The following PCDH15 variants were observed in gnomAD, a reference collection of about 807,000 sequenced individuals.
The protein encoded by PCDH15 is protocadherin-15.
PCDH15 carries 129 observed loss-of-function variants against 178.5 expected under a neutral mutation model. The observed-to-expected ratio is 0.72, with a 90% CI of 0.63 to 0.84. The LOEUF (loss-of-function observed/expected upper bound fraction) is 0.84, where lower values mean the gene tolerates loss of function less well. Ranked by LOEUF, PCDH15 falls within the 40% of genes least tolerant of loss-of-function variation. The probability of loss-of-function intolerance (pLI) is 0.00; values close to 1 mark genes in which losing one functional copy is unlikely to be tolerated. For synonymous variants in PCDH15, 800 were observed against 732.0 expected, an observed-to-expected ratio of 1.09 and a Z score of -1.50; for missense variants, 2,230 against 2,099.9, an observed-to-expected ratio of 1.06 and a Z score of -1.21.
intron 1 of PCDH15, among the ~76,000 whole-genome samples, chr10:54,752,517 CAAACAAACAAACAA>C (rs1946461730): frequency 1.2e-5 from 1 of 85,632 alleles, no homozygotes; most frequent in Non-Finnish European, 2.4e-5. Context: ...AAAAAACAAA[CAAACAAACAAACAA>C]AAAAAAACAA....
At chr10:54,061,199 A>AAG (rs2135743473) in intron 18 of PCDH15, among the ~76,000 whole-genome samples, 1 of 152,268 alleles carries the variant, frequency 6.6e-6, no homozygotes, top group African/African-American at 2.4e-5. Context: ...GGCCTCTAGT[A>AAG]AGAGGCCTCT....
intron 1 of PCDH15, among the ~76,000 whole-genome samples, chr10:54,699,200 A>G (rs2095274890): frequency 6.6e-6 from 1 of 152,106 alleles, no homozygotes; most frequent in African/African-American, 2.4e-5. Context: ...TATCAATGTT[A>G]TTGTCAACTT....
At chr10:54,979,886 T>C (rs1839186187) in intron 2 of PCDH15, among the ~76,000 whole-genome samples, 1 of 152,088 alleles carries the variant, frequency 6.6e-6, no homozygotes, top group Admixed American at 6.6e-5. Context: ...GCAATACTTG[T>C]CTAAGATAAA....
intron 2 of PCDH15, among the ~76,000 whole-genome samples, chr10:54,551,154 C>CAAAAAA (rs57337778): frequency 8.0e-4 from 42 of 52,398 alleles, no homozygotes; most frequent in South Asian, 1.3e-3. Flanking sequence ...GACTCTGTCT[C>CAAAAAA]AAAAAAAAAA....
intron 1 of PCDH15, among the ~76,000 whole-genome samples, chr10:54,787,409 G>A (rs1231032318): frequency 6.6e-6 from 1 of 151,822 alleles, no homozygotes; most frequent in Admixed American, 6.6e-5. Flanking sequence ...TAGAAAATAT[G>A]TCTAAGTTTT....
At chr10:55,064,949 A>C (rs1266161158) in intron 2 of PCDH15, among the ~76,000 whole-genome samples, 1 of 152,084 alleles carries the variant, frequency 6.6e-6, no homozygotes, top group East Asian at 1.9e-4. Flanking sequence ...TATTTTAAAA[A>C]ATCTCAATGA....
chr10:54,696,360 T>C (rs2095223678), intron 1 of PCDH15, among the ~76,000 whole-genome samples: 1 of 152,056 alleles, frequency 6.6e-6, no homozygotes, highest in African/African-American at 2.4e-5. Flanking sequence ...TATACACAAA[T>C]GAGCAACTGT....
At chr10:55,003,571 G>T (rs1194223835) in intron 2 of PCDH15, among the ~76,000 whole-genome samples, 1 of 151,892 alleles carries the variant, frequency 6.6e-6, no homozygotes, top group African/African-American at 2.4e-5. Context: ...GATTTCTCCA[G>T]AATTCAGAAA....
chr10:54,448,675 A>C (rs545728883), intron 3 of PCDH15, among the ~76,000 whole-genome samples: 108 of 151,868 alleles, frequency 7.1e-4, no homozygotes, highest in Middle Eastern at 3.4e-3. Flanking sequence ...AGTTACAACA[A>C]TATTGTCTCT....
intron 2 of PCDH15, among the ~76,000 whole-genome samples, chr10:54,976,519 C>A (rs777737828): frequency 3.3e-5 from 5 of 152,090 alleles, no homozygotes; most frequent in Non-Finnish European, 7.4e-5. Context: ...GTGTGGAAAA[C>A]AGTCCTCATG....
chr10:55,405,947 G>T (rs1387006117), intron 2 of PCDH15, among the ~76,000 whole-genome samples: 1 of 151,680 alleles, frequency 6.6e-6, no homozygotes, highest in African/African-American at 2.4e-5. Flanking sequence ...GGAAATATTT[G>T]ATTTTAAATC....
chr10:54,421,124 T>C (rs1221169169), intron 3 of PCDH15, among the ~76,000 whole-genome samples: 1 of 152,154 alleles, frequency 6.6e-6, no homozygotes, highest in Non-Finnish European at 1.5e-5. Flanking sequence ...TTGTATTGTA[T>C]TGTATTTGCA....
intron 2 of PCDH15, among the ~76,000 whole-genome samples, chr10:55,402,952 A>AG (rs1348175879): frequency 6.6e-6 from 1 of 151,838 alleles, no homozygotes; most frequent in African/African-American, 2.4e-5. Flanking sequence ...AGTATATGAG[A>AG]GTTTTTCTCC....
intron 3 of PCDH15, among the ~76,000 whole-genome samples, chr10:54,488,022 T>C (rs2079251076): frequency 6.6e-6 from 1 of 151,880 alleles, no homozygotes. Flanking sequence ...AGAAACTGTA[T>C]CCTTTTTCCT....
chr10:54,315,746 T>C (rs368591797), intron 8 of PCDH15, among the ~76,000 whole-genome samples: 10 of 152,216 alleles, frequency 6.6e-5, no homozygotes, highest in African/African-American at 2.2e-4. Flanking sequence ...AATCTTCATA[T>C]GGCTAGCCAG....
At chr10:55,365,699 T>G (rs1361046958) in intron 2 of PCDH15, among the ~76,000 whole-genome samples, 1 of 152,018 alleles carries the variant, frequency 6.6e-6, no homozygotes, top group African/African-American at 2.4e-5. Context: ...CAAGCTCTCT[T>G]CTCTTGTTTG....
At chr10:54,927,961 G>A (rs544622551) in intron 2 of PCDH15, among the ~76,000 whole-genome samples, 10 of 151,876 alleles carry the variant, frequency 6.6e-5, no homozygotes, top group South Asian at 6.3e-4. Context: ...GTTACGTGTC[G>A]GTGTGATTCT....
At chr10:53,829,079 T>G (rs1373145477) in intron 30 of PCDH15, among the ~76,000 whole-genome samples, 1 of 152,206 alleles carries the variant, frequency 6.6e-6, no homozygotes, top group Non-Finnish European at 1.5e-5. Flanking sequence ...TTTCCATTCA[T>G]AGAAAAGTTC....
intron 2 of PCDH15, among the ~76,000 whole-genome samples, chr10:54,996,273 C>T (rs888718074): frequency 1.2e-4 from 19 of 152,270 alleles, no homozygotes; most frequent in African/African-American, 4.6e-4. Context: ...TAGCCTTTGA[C>T]ATTTGACATC....
Sources: gnomAD v4.1 joint callset for allele counts (sites outside exome capture counted in the v4.1 genomes callset) on GRCh38, gnomAD v4.1.1 for gene constraint, MANE v1.5 for transcripts, NCBI Gene and HGNC (gene_info 2026-07-23, HGNC 2026-07-21) for gene names.